The following FBRSL1 variants were observed in gnomAD, a reference collection of about 807,000 sequenced individuals.
FBRSL1 encodes the protein fibrosin-1-like protein.
In FBRSL1, 51 loss-of-function variants were observed where a neutral mutation model predicts 89.6. The observed-to-expected ratio is 0.57, with a 90% CI of 0.45 to 0.72. The LOEUF is 0.72. FBRSL1 is among the 30% of genes least tolerant of loss of function. The pLI, the probability that FBRSL1 is intolerant of heterozygous loss-of-function variation, is 0.00. For synonymous variants in FBRSL1, 779 were observed against 681.1 expected (o/e 1.14, Z -2.24); for missense variants, 1,618 against 1,451.8 (o/e 1.11, Z -1.86).
chr12:132,509,924 C>T, intron 2 of FBRSL1: 1 of 1,231,468 alleles, frequency 8.1e-7, no homozygotes, highest in African/African-American at 1.6e-5. Flanking sequence ...CCTTCCTAGC[C>T]CCGTGTCAGT....
chr12:132,545,853 C>T lies in FBRSL1; in HGVS notation c.616-2150C>T, dbSNP rs1037266083. On this transcript the variant is annotated intron_variant, in intron 4 of 18. Coordinates refer to ENST00000680143, the MANE Select transcript of FBRSL1 (RefSeq NM_001367871.1). ...AGTTTCCAAGTCAAAGGCTCTGCAG[C>T]GCAAATTCAGCAGGGAGAGGCCTCA... 5.3e-5 allele frequency among the ~76,000 whole-genome samples: 8 copies of T among 152,364 alleles called. 1 individual carries two copies. In the South Asian group the frequency reaches 8.3e-4, roughly 16 times the overall value.
intron 5 of FBRSL1, chr12:132,553,503 A>T (rs2038368128): frequency 6.6e-6 from 1 of 152,026 alleles, no homozygotes; most frequent in South Asian, 2.1e-4. Flanking sequence ...CCTGCTGGGG[A>T]CAGGAAGGGA....
chr12:132,513,029 C>T (rs2034512712), intron 2 of FBRSL1, among the ~76,000 whole-genome samples: 1 of 152,224 alleles, frequency 6.6e-6, no homozygotes, highest in African/African-American at 2.4e-5. Flanking sequence ...GGGCCCGCGC[C>T]CTGGTGGGGA....
At chr12:132,501,688 G>A (rs2032982983) in intron 1 of FBRSL1, among the ~76,000 whole-genome samples, 1 of 152,224 alleles carries the variant, frequency 6.6e-6, no homozygotes, top group African/African-American at 2.4e-5. Context: ...GCAGGGGCCA[G>A]TGAGGGGAGG....
At chr12:132,501,954 C>T (rs748017853) in intron 1 of FBRSL1, among the ~76,000 whole-genome samples, 10 of 152,260 alleles carry the variant, frequency 6.6e-5, no homozygotes, top group African/African-American at 9.6e-5. Context: ...TTTCTGTTGT[C>T]TTCCTCTAAA....
intron 4 of FBRSL1, among the ~76,000 whole-genome samples, chr12:132,530,994 TG>T (rs55841528): frequency 0.24 from 20,844 of 86,488 alleles, 1,555 homozygotes; most frequent in Middle Eastern, 0.32. Context: ...GTGTCCAGTG[TG>T]GGGGGGGGGG....
chr12:132,552,020 G>C lies in FBRSL1; in HGVS notation c.645+3988G>C, dbSNP rs569072331. The C allele has an allele frequency of 1.5e-5, 4 of 258,452 alleles. No homozygotes were observed. The East Asian group carries it at 3.6e-4, about 23-fold the overall frequency. The allele number at this position is 258,452 out of a possible 1,614,324, so 16.0% of individuals were successfully genotyped here. On this transcript the variant is annotated intron_variant, in intron 5 of 18. Coordinates refer to ENST00000680143, the MANE Select transcript of FBRSL1 (RefSeq NM_001367871.1). ...TCAGCCAAGAGCACCGGCCTGGAAG[G>C]GGCAGGGCTGGGGGACAGTGGCATG...
At position 132,570,152 on chromosome 12, in the gene FBRSL1, C is replaced by G. The variant is rs2039908625; in HGVS notation, c.918C>G (p.Pro306=). The G allele has an allele frequency of 6.7e-7, 1 of 1,491,362 alleles. No individual in the cohort carries two copies. Among genetic ancestry groups the G allele is most frequent in the Admixed American group, 2.3e-5 (1 of 43,328 alleles). The allele number at this position is 1,491,362 out of a possible 1,614,324, so 92.4% of individuals were successfully genotyped here. Residue 306 remains proline, a synonymous_variant, in exon 7 of 19, where the codon CCC becomes CCG. Transcript: ENST00000680143. ...RHTPQPPPPQ[P]RGLLPTHVPA... is the part of the protein sequence containing the mutation. ...CCCCGCAGCCGCCACCCCCGCAGCC[C>G]CGCGGCCTGCTCCCGACACACGTGC...
chr12:132,500,314 C>T (rs1439741712), intron 1 of FBRSL1, among the ~76,000 whole-genome samples: 1 of 152,200 alleles, frequency 6.6e-6, no homozygotes, highest in Non-Finnish European at 1.5e-5. Flanking sequence ...GGGTGCTGTG[C>T]TGTCCCCATG....
chr12:132,571,383 C>T (rs2039998366), intron 9 of FBRSL1, 152 bp downstream of exon 9: 1 of 1,550,942 alleles, frequency 6.4e-7, no homozygotes, highest in Non-Finnish European at 8.7e-7. Context: ...CCTCCCTGGG[C>T]CCGGGGGCTC....
intron 1 of FBRSL1, among the ~76,000 whole-genome samples, chr12:132,504,903 G>A (rs533883003): frequency 6.6e-6 from 1 of 152,322 alleles, no homozygotes; most frequent in East Asian, 1.9e-4. Context: ...GCTGAGGTGG[G>A]CGGATCACCT....
At chr12:132,557,773 C>A (rs1258530715) in intron 5 of FBRSL1, among the ~76,000 whole-genome samples, 3 of 152,210 alleles carry the variant, frequency 2.0e-5, no homozygotes, top group African/African-American at 7.2e-5. Flanking sequence ...CCCCTGGGGT[C>A]TCCAGTCAGC....
intron 4 of FBRSL1, among the ~76,000 whole-genome samples, chr12:132,534,283 C>T (rs1374755104): frequency 6.6e-6 from 1 of 152,210 alleles, no homozygotes; most frequent in Non-Finnish European, 1.5e-5. Flanking sequence ...GTTGTCGGGC[C>T]CCAGGTGAAG....
At chr12:132,505,892 C>T (rs1299301691) in intron 1 of FBRSL1, among the ~76,000 whole-genome samples, 1 of 152,266 alleles carries the variant, frequency 6.6e-6, no homozygotes, top group Non-Finnish European at 1.5e-5. Context: ...GCTGGCATCT[C>T]AAGAGCAGAG....
At chr12:132,514,808 T>A (rs12315756) in intron 2 of FBRSL1, among the ~76,000 whole-genome samples, 19 of 152,312 alleles carry the variant, frequency 1.2e-4, no homozygotes, top group Admixed American at 1.2e-3. Context: ...GAGCCACATA[T>A]AGAGTTAAGA....
intron 5 of FBRSL1, chr12:132,560,349 C>G (rs1490433153): frequency 6.6e-6 from 1 of 152,228 alleles, no homozygotes; most frequent in Non-Finnish European, 1.5e-5. Flanking sequence ...TCTGCCCACA[C>G]CGCCTCTCCC....
chr12:132,574,658 C>T (rs2040261942), intron 14 of FBRSL1, 94 bp downstream of exon 14: 6 of 1,430,066 alleles, frequency 4.2e-6, no homozygotes, highest in African/African-American at 2.8e-5. Context: ...TGTGTTCACA[C>T]GCGTGTGCAC....
chr12:132,539,190 A>G (rs1021331944), intron 4 of FBRSL1, among the ~76,000 whole-genome samples: 2 of 151,928 alleles, frequency 1.3e-5, no homozygotes, highest in African/African-American at 2.4e-5. Flanking sequence ...CTGCTCTTCC[A>G]GTCTCCAGAG....
rs1056297443 is a variant in FBRSL1, at chr12:132,584,518, A to T, written c.*740A>T. 1 of 152,244 alleles carries T rather than the reference A, an allele frequency of 6.6e-6. No individual in the cohort carries two copies. Among genetic ancestry groups the T allele is most frequent in the Admixed American group, 6.5e-5 (1 of 15,286 alleles). 9.4% of individuals were successfully genotyped at this position (152,244 alleles called of 1,614,324 possible). A position where few individuals can be genotyped will look rare whatever the true frequency, so the allele number is the denominator to read the frequency against. On this transcript the variant is annotated 3_prime_UTR_variant, in exon 19 of 19. Coordinates refer to ENST00000680143, the MANE Select transcript of FBRSL1 (RefSeq NM_001367871.1). ...GCTGCTGGCTGTAAACATTATCAGAAGTTTAATGGCAGCAACTTTCCTTCA... is the reference window on the plus strand; with the variant it reads ...GCTGCTGGCTGTAAACATTATCAGATGTTTAATGGCAGCAACTTTCCTTCA...
Sources: allele counts gnomAD v4.1 joint callset (sites outside exome capture counted in the v4.1 genomes callset), GRCh38; gene constraint gnomAD v4.1.1; transcripts MANE v1.5; gene names NCBI Gene and HGNC (gene_info 2026-07-23, HGNC 2026-07-21).